ICOS: variants seen among roughly 807,000 people sequenced by gnomAD.
ICOS encodes the protein inducible T cell costimulator.
A neutral mutation model predicts 24.6 loss-of-function variants in ICOS; 15 were observed. That is an observed-to-expected ratio of 0.61 (90% CI 0.41 to 0.94). The LOEUF is 0.94. ICOS is among the 40% of genes least tolerant of loss of function. ICOS has a pLI of 0.00. For missense variants in ICOS, 200 were observed against 233.0 expected (o/e 0.86, Z 0.92); for synonymous variants, 89 against 77.5 (o/e 1.15, Z -0.78).
At chr2:203,944,065 TG>T (rs890798244) in intron 1 of ICOS, among the ~76,000 whole-genome samples, 3 of 152,214 alleles carry the variant, frequency 2.0e-5, no homozygotes, top group Admixed American at 2.0e-4. Flanking sequence ...TGAGGCTTTC[TG>T]CCTCCCAGCT....
In ICOS at chr2:203,961,063, A is replaced by G. The variant is rs1288011705; in HGVS notation, c.*1464A>G. The G allele has an allele frequency of 6.6e-6, 1 of 152,216 alleles. No individual in the cohort carries two copies. The highest frequency in any genetic ancestry group is 1.5e-5 in the Non-Finnish European group (1 of 68,066). 9.4% of individuals were successfully genotyped at this position (152,216 alleles called of 1,614,324 possible). Reference sequence around the variant, plus strand: ...TCTCTACTTCCTGTCTGCATGCCCAAGGCTTCTGAAGCAGCCAATGTCGAT... The same window carrying G: ...TCTCTACTTCCTGTCTGCATGCCCAGGGCTTCTGAAGCAGCCAATGTCGAT... On this transcript the variant is annotated 3_prime_UTR_variant, in exon 5 of 5. Transcript: ENST00000316386.
chr2:203,941,111 T>C (rs4389322), intron 1 of ICOS, among the ~76,000 whole-genome samples: 24,915 of 152,140 alleles, frequency 0.16, 3,454 homozygotes, highest in African/African-American at 0.37. Context: ...ATTAATTTAT[T>C]ATTATTTTTT....
At chr2:203,952,183 CT>C (rs1489267141) in intron 1 of ICOS, among the ~76,000 whole-genome samples, 1 of 152,218 alleles carries the variant, frequency 6.6e-6, no homozygotes, top group African/African-American at 2.4e-5. Flanking sequence ...CTCTTTCTCC[CT>C]CTTTAGACAA....
At chr2:203,958,482 G>A (rs1260555575) in intron 4 of ICOS, among the ~76,000 whole-genome samples, 2 of 152,170 alleles carry the variant, frequency 1.3e-5, no homozygotes, top group African/African-American at 4.8e-5. Context: ...AAAACTGAAA[G>A]TTGCCAAGTT....
chr2:203,956,837 A>G (rs1037476934), intron 3 of ICOS, 72 bp downstream of exon 3: 2 of 1,008,626 alleles, frequency 2.0e-6, no homozygotes, highest in African/African-American at 3.2e-5. Context: ...CATCAAAAGT[A>G]CACATGGCTC....
rs559429030 is a variant in ICOS, at chr2:203,949,650, G to A, written c.59-5986G>A. Among the ~76,000 whole-genome samples the A allele has an allele frequency of 2.3e-4, 35 of 152,264 alleles. No individual in the cohort carries two copies. The South Asian group carries it at 7.1e-3, about 31-fold the overall frequency. ...GCATATCAAAGATAGTATGAGAGAG[G>A]ATGTTTTGGAGAAGATTTTATATTA... On this transcript the variant is annotated intron_variant, in intron 1 of 4. Coordinates refer to ENST00000316386, the MANE Select transcript of ICOS (RefSeq NM_012092.4).
At chr2:203,941,355 GAT>G (rs1559032384) in intron 1 of ICOS, among the ~76,000 whole-genome samples, 205 of 152,208 alleles carry the variant, frequency 1.3e-3, no homozygotes, top group African/African-American at 4.2e-3. Flanking sequence ...AGATGAAATG[GAT>G]ATTTCAGTTT....
chr2:203,950,839 A>G (rs567874941), intron 1 of ICOS, among the ~76,000 whole-genome samples: 1 of 152,220 alleles, frequency 6.6e-6, no homozygotes, highest in East Asian at 1.9e-4. Flanking sequence ...AGGTGGGCGG[A>G]TCGTGAGGTA....
chr2:203,955,525 G>T, intron 1 of ICOS, 111 bp from the exon 2 acceptor site: 1 of 822,698 alleles, frequency 1.2e-6, no homozygotes. Flanking sequence ...TCATTTTGGT[G>T]CAACAGAGAT....
chr2:203,958,057 A>G lies in ICOS; in HGVS notation c.586+174A>G, dbSNP rs185783798. Among the ~76,000 whole-genome samples the G allele has an allele frequency of 1.4e-4, 21 of 152,266 alleles. No individual in the cohort carries two copies. In the East Asian group the frequency reaches 3.5e-3, roughly 25 times the overall value. ...TTTTAACTAGATTTATATTTTCTGC[A>G]GTATATTGAAAACAAACAAGCAATA... On this transcript the variant is annotated intron_variant, in intron 4 of 4. Coordinates refer to ENST00000316386, the MANE Select transcript of ICOS (RefSeq NM_012092.4).
At chr2:203,947,561 C>A (rs1033743308) in intron 1 of ICOS, among the ~76,000 whole-genome samples, 1 of 152,136 alleles carries the variant, frequency 6.6e-6, no homozygotes, top group Non-Finnish European at 1.5e-5. Context: ...CCTGCCTCGG[C>A]CTCCCAAAGT....
At chr2:203,949,361 G>T (rs1689928874) in intron 1 of ICOS, among the ~76,000 whole-genome samples, 1 of 152,184 alleles carries the variant, frequency 6.6e-6, no homozygotes, top group African/African-American at 2.4e-5. Context: ...GTGACACTTT[G>T]ACTGTGGATT....
chr2:203,957,869 A>T lies in ICOS; in HGVS notation c.572A>T (p.Lys191Ile). Residue 191 changes from lysine to isoleucine, a missense_variant, in exon 4 of 5, where the codon AAA becomes ATA. Physicochemically the swap from Lys to Ile is moderately radical, Grantham distance 102. Transcript: ENST00000316386. ...ATGAGAGCAGTGAACACAGCCAAAA[A>T]ATCTAGACTCACAGGTATGACTCCA... ...MFMRAVNTAK[K>I]SRLTDVTL 2.5e-6 allele frequency: 4 copies of T among 1,608,950 alleles called. No homozygotes were observed. Among genetic ancestry groups the T allele is most frequent in the Non-Finnish European group, 3.4e-6 (4 of 1,175,370 alleles).
chr2:203,940,211 C>T (rs1335229124), intron 1 of ICOS, among the ~76,000 whole-genome samples: 1 of 152,280 alleles, frequency 6.6e-6, no homozygotes, highest in African/African-American at 2.4e-5. Context: ...TAAGAATGTT[C>T]TTCCTTTCCC....
intron 4 of ICOS, 51 bp downstream of exon 4, chr2:203,957,934 G>A (rs1165121316): frequency 1.8e-6 from 2 of 1,100,630 alleles, no homozygotes; most frequent in Non-Finnish European, 2.7e-6. Context: ...TTCACAGTAA[G>A]CCTGGAATGT....
chr2:203,937,356 A>C (rs1426771847), intron 1 of ICOS, among the ~76,000 whole-genome samples: 1 of 152,162 alleles, frequency 6.6e-6, no homozygotes, highest in Non-Finnish European at 1.5e-5. Flanking sequence ...GGCACCATAG[A>C]GTTTTTATTG....
chr2:203,943,152 G>A (rs1689806669), intron 1 of ICOS, among the ~76,000 whole-genome samples: 1 of 152,100 alleles, frequency 6.6e-6, no homozygotes, highest in Admixed American at 6.5e-5. Flanking sequence ...TTCTTTTTCA[G>A]GTAGATGAAG....
intron 1 of ICOS, among the ~76,000 whole-genome samples, chr2:203,941,845 G>T (rs1407804805): frequency 6.6e-6 from 1 of 152,156 alleles, no homozygotes; most frequent in East Asian, 1.9e-4. Flanking sequence ...TGTTAGTCAA[G>T]AAATGATTTT....
At chr2:203,943,064 C>T (rs2105746092) in intron 1 of ICOS, among the ~76,000 whole-genome samples, 1 of 152,270 alleles carries the variant, frequency 6.6e-6, no homozygotes, top group South Asian at 2.1e-4. Flanking sequence ...CTTCTTGTAT[C>T]ATTTTTTGCA....
Sources: gnomAD v4.1 joint callset for allele counts (sites outside exome capture counted in the v4.1 genomes callset) on GRCh38, gnomAD v4.1.1 for gene constraint, MANE v1.5 for transcripts, NCBI Gene and HGNC (gene_info 2026-07-23, HGNC 2026-07-21) for gene names.